MRPL48: variants seen among roughly 807,000 people sequenced by gnomAD.
MRPL48 encodes mitochondrial ribosomal protein L48.
Under a neutral mutation model 32.9 loss-of-function variants are expected in MRPL48, and 16 were observed. That is an observed-to-expected ratio of 0.49 (90% CI 0.33 to 0.74). MRPL48 has a LOEUF of 0.74. Among genes scored for constraint, MRPL48 ranks in the 30% least tolerant of loss-of-function variants. The pLI is 0.02. For synonymous variants in MRPL48, 94 were observed against 89.2 expected (o/e 1.05, Z -0.31); for missense variants, 206 against 245.3 (o/e 0.84, Z 1.07).
chr11:73,802,893 TC>T (rs776196887), intron 1 of MRPL48, among the ~76,000 whole-genome samples: 64 of 151,972 alleles, frequency 4.2e-4, no homozygotes, highest in Admixed American at 1.2e-3. Flanking sequence ...GAAAGGGTCT[TC>T]CTATGTTGGC....
chr11:73,790,884 T>C (rs1947139301), intron 1 of MRPL48, among the ~76,000 whole-genome samples: 1 of 144,744 alleles, frequency 6.9e-6, no homozygotes, highest in African/African-American at 2.5e-5. Flanking sequence ...TCTGTTCTTT[T>C]TTTTTTTTTT....
At position 73,790,138 on chromosome 11, in the gene MRPL48, C is replaced by T. The variant is rs546212060; in HGVS notation, c.21+2146C>T. 4.2e-5 allele frequency among the ~76,000 whole-genome samples: 6 copies of T among 143,054 alleles called. No homozygotes were observed. In the South Asian group the frequency reaches 6.8e-4, roughly 16 times the overall value. The allele number at this position is 143,054 out of a possible 152,430, so 93.8% of individuals were successfully genotyped here. Reference sequence around the variant, plus strand: ...AGGCTGGAGTGCAGTGGCGCGATCTCGGCTCACTGCAAGCTCCACCTCCCG... The same window carrying T: ...AGGCTGGAGTGCAGTGGCGCGATCTTGGCTCACTGCAAGCTCCACCTCCCG... On this transcript the variant is annotated intron_variant, in intron 1 of 7. Coordinates refer to ENST00000310614, the MANE Select transcript of MRPL48 (RefSeq NM_016055.6).
intron 5 of MRPL48, among the ~76,000 whole-genome samples, chr11:73,846,033 A>C (rs990018233): frequency 7.2e-6 from 1 of 139,214 alleles, no homozygotes; most frequent in South Asian, 2.3e-4. Flanking sequence ...GTGCCACTGC[A>C]CTCCAGCGTG....
chr11:73,863,144 T>TC lies in MRPL48; in HGVS notation c.475-27dup, dbSNP rs1459416519. The TC allele has an allele frequency of 3.9e-6, 6 of 1,556,120 alleles. No individual in the cohort carries two copies. The South Asian group carries it at 4.7e-5, about 12-fold the overall frequency. ...TACCTCGTTTTCAGCTCCTCCCACCTCTTAGAGCACCTTCTTTCATTTTGC... is the reference window on the plus strand; with the variant it reads ...TACCTCGTTTTCAGCTCCTCCCACCTCCTTAGAGCACCTTCTTTCATTTTGC... On this transcript the variant is annotated intron_variant, in intron 6 of 7. Coordinates refer to ENST00000310614, the MANE Select transcript of MRPL48 (RefSeq NM_016055.6).
chr11:73,832,534 G>C (rs1827272146), intron 4 of MRPL48: 1 of 154,780 alleles, frequency 6.5e-6, no homozygotes, highest in African/African-American at 2.4e-5. Context: ...CTCTATTGGG[G>C]ATGGTTGTCC....
intron 3 of MRPL48, among the ~76,000 whole-genome samples, chr11:73,821,395 C>T (rs1245573881): frequency 6.6e-6 from 1 of 152,026 alleles, no homozygotes; most frequent in African/African-American, 2.4e-5. Flanking sequence ...TGGCCTTGTC[C>T]CCAACCCTTT....
chr11:73,851,151 T>C, intron 5 of MRPL48: 1 of 445,700 alleles, frequency 2.2e-6, no homozygotes, highest in Non-Finnish European at 4.6e-6. Flanking sequence ...TCACTTTGAG[T>C]AATTCCTGGA....
intron 3 of MRPL48, among the ~76,000 whole-genome samples, chr11:73,825,240 G>A (rs991508095): frequency 2.0e-5 from 3 of 150,600 alleles, no homozygotes; most frequent in East Asian, 1.9e-4. Context: ...AAAGATCTCC[G>A]AGATTACTTT....
intron 3 of MRPL48, among the ~76,000 whole-genome samples, chr11:73,819,510 CT>C (rs1184655500): frequency 6.6e-6 from 1 of 152,156 alleles, no homozygotes; most frequent in African/African-American, 2.4e-5. Context: ...ATGAATTAAA[CT>C]CTTGATGATC....
At chr11:73,846,731 C>T (rs1185900455) in intron 5 of MRPL48, among the ~76,000 whole-genome samples, 1 of 150,792 alleles carries the variant, frequency 6.6e-6, no homozygotes, top group Non-Finnish European at 1.5e-5. Context: ...CAGTCATGGT[C>T]TCTCTCTCCC....
intron 5 of MRPL48, chr11:73,850,645 GTT>G: frequency 3.4e-6 from 1 of 295,760 alleles, no homozygotes; most frequent in Non-Finnish European, 6.5e-6. Context: ...CTTCTTGGAG[GTT>G]TTTTACTACT....
intron 3 of MRPL48, among the ~76,000 whole-genome samples, chr11:73,812,042 C>T (rs1452620977): frequency 3.9e-5 from 6 of 152,106 alleles, no homozygotes; most frequent in African/African-American, 1.2e-4. Flanking sequence ...CCTGCCACCA[C>T]GCCCCACTCA....
chr11:73,810,691 A>G (rs1020905105), intron 3 of MRPL48, among the ~76,000 whole-genome samples: 1 of 151,516 alleles, frequency 6.6e-6, no homozygotes, highest in Non-Finnish European at 1.5e-5. Flanking sequence ...ATTTCTCCTA[A>G]TGTTATCTCT....
At chr11:73,796,180 C>T (rs947086957) in intron 1 of MRPL48, among the ~76,000 whole-genome samples, 4 of 152,200 alleles carry the variant, frequency 2.6e-5, no homozygotes, top group African/African-American at 7.2e-5. Context: ...TCTTGCTCCA[C>T]GGAGCAAGCA....
rs1043071060 is a variant in MRPL48 at position 73,800,790 on chromosome 11, G to C, written c.22-4237G>C. The stretch of plus-strand genomic sequence containing the variant: ...TAATTTGAATGTCTTCCAGAAAGTT[G>C]TCAACTCTTTTTTCTTTTTCTTTTT... On this transcript the variant is annotated intron_variant, in intron 1 of 7. Coordinates refer to ENST00000310614, the MANE Select transcript of MRPL48 (RefSeq NM_016055.6). 5.3e-5 allele frequency among the ~76,000 whole-genome samples: 8 copies of C among 150,656 alleles called. No individual in the cohort carries two copies. The Admixed American group carries it at 5.3e-4, about 10-fold the overall frequency.
chr11:73,797,191 G>T (rs970430959), intron 1 of MRPL48, among the ~76,000 whole-genome samples: 8 of 152,194 alleles, frequency 5.3e-5, no homozygotes, highest in African/African-American at 1.9e-4. Flanking sequence ...CAGACGACCT[G>T]CCTGCAGAGA....
intron 3 of MRPL48, among the ~76,000 whole-genome samples, chr11:73,822,733 G>A (rs1947805424): frequency 6.6e-6 from 1 of 152,132 alleles, no homozygotes; most frequent in South Asian, 2.1e-4. Flanking sequence ...CCATGGACCA[G>A]TACGTGGTCT....
At chr11:73,841,286 C>T (rs1208003047) in intron 4 of MRPL48, among the ~76,000 whole-genome samples, 1 of 152,134 alleles carries the variant, frequency 6.6e-6, no homozygotes, top group African/African-American at 2.4e-5. Context: ...AGTTCAGCTC[C>T]CAGGTACACC....
intron 4 of MRPL48, among the ~76,000 whole-genome samples, chr11:73,830,152 G>A (rs367659645): frequency 4.6e-5 from 7 of 152,144 alleles, no homozygotes; most frequent in East Asian, 1.9e-4. Flanking sequence ...CTCAGTGTCC[G>A]GCACAGGGCC....
Sources: allele counts gnomAD v4.1 joint callset (sites outside exome capture counted in the v4.1 genomes callset), GRCh38; gene constraint gnomAD v4.1.1; transcripts MANE v1.5; gene names NCBI Gene and HGNC (gene_info 2026-07-23, HGNC 2026-07-21).